Variants in VIRMA observed in about 807,000 individuals in gnomAD.
The protein encoded by VIRMA is vir like m6A methyltransferase associated, also known as protein virilizer homolog.
Under a neutral mutation model 182.4 loss-of-function variants are expected in VIRMA, and 65 were observed. The ratio of observed to expected loss-of-function variants is 0.36; its 90% CI spans 0.29 to 0.44. The LOEUF is 0.44. VIRMA is among the 20% of genes least tolerant of loss of function. The pLI is 1.00. For synonymous variants in VIRMA, 709 were observed against 743.1 expected (o/e 0.95, Z 0.75); for missense variants, 1,752 against 2,158.1 (o/e 0.81, Z 3.73).
At chr8:94,546,345 G>A (rs1189827545) in intron 1 of VIRMA, among the ~76,000 whole-genome samples, 1 of 150,956 alleles carries the variant, frequency 6.6e-6, no homozygotes, top group African/African-American at 2.5e-5. Context: ...CTACATTAGT[G>A]ATGGCATCAC....
intron 16 of VIRMA, among the ~76,000 whole-genome samples, chr8:94,501,361 C>T (rs914846210): frequency 6.6e-6 from 1 of 150,730 alleles, no homozygotes; most frequent in Non-Finnish European, 1.5e-5. Context: ...ACCATATAAC[C>T]AAACTGAAGG....
rs767507371 is a variant in VIRMA, at chr8:94,519,392, T to G, written c.2106A>C (p.Gln702His). 9.0e-6 allele frequency: 14 copies of G among 1,560,482 alleles called. No homozygotes were observed. The Admixed American group carries it at 9.8e-5, about 11-fold the overall frequency. The change falls in exon 9 of 24, where the codon CAA becomes CAC. Residue 702 changes from glutamine to histidine, a missense_variant. Physicochemically the swap from Gln to His is conservative, Grantham distance 24. Around this residue, in one of 11 missense-constraint regions of VIRMA, gnomAD observed 401 missense variants for 455.1 expected, o/e 0.88. Coordinates refer to ENST00000297591, the MANE Select transcript of VIRMA (RefSeq NM_015496.5). ...GAAACTTCAAAACATCTTTTGTGGC[T>G]TGCAGCACACCAGGGTGAGCACTTG... ...PVTSAHPGVL[Q>H]ATKDVLKFLA... is the part of the protein sequence containing the mutation.
chr8:94,488,599 T>C lies in VIRMA; in HGVS notation c.*107A>G, dbSNP rs1010949996. The C allele has an allele frequency of 4.6e-5, 47 of 1,025,138 alleles. No individual in the cohort carries two copies. Among genetic ancestry groups the C allele is most frequent in the Middle Eastern group, 4.5e-4 (2 of 4,446 alleles). 63.5% of individuals were successfully genotyped at this position (1,025,138 alleles called of 1,614,324 possible). A position where few individuals can be genotyped will look rare whatever the true frequency, so the allele number is the denominator to read the frequency against. Reference sequence around the variant, plus strand: ...GCTTTCTTCAGATAAAAATATTCTCTCAGATGTCTCCAGATAACTGCTAAG... The same window carrying C: ...GCTTTCTTCAGATAAAAATATTCTCCCAGATGTCTCCAGATAACTGCTAAG... On this transcript the variant is annotated 3_prime_UTR_variant, in exon 24 of 24. Coordinates refer to ENST00000297591, the MANE Select transcript of VIRMA (RefSeq NM_015496.5).
chr8:94,517,412 A>G (rs770804307), intron 10 of VIRMA, among the ~76,000 whole-genome samples: 11 of 152,210 alleles, frequency 7.2e-5, no homozygotes, highest in Non-Finnish European at 1.3e-4. Flanking sequence ...CTTGTTGGTC[A>G]CGCTGGTCTT....
Position 94,491,698 on chromosome 8 carries a change from G to A in VIRMA, c.5020C>T (p.Pro1674Ser), listed in dbSNP as rs770018328. ...EVVPQDGIPP[P>S]KRPLKVSQKI... Reference sequence around the variant, plus strand: ...TGTGATACTTTGAGTGGCCGTTTTGGTGGAGGTATTCCATCTTGAGGAACC... The same window carrying A: ...TGTGATACTTTGAGTGGCCGTTTTGATGGAGGTATTCCATCTTGAGGAACC... Residue 1674 changes from proline to serine, a missense_variant, in exon 22 of 24, where the codon CCA (proline) becomes TCA (serine). This residue lies in a region of VIRMA where 12 missense variants were observed against 24.2 expected (regional missense o/e 0.50). Coordinates refer to ENST00000297591, the MANE Select transcript of VIRMA (RefSeq NM_015496.5). The A allele has an allele frequency of 5.0e-6, 8 of 1,614,032 alleles. No individual in the cohort carries two copies. In the South Asian group the frequency reaches 7.7e-5, roughly 16 times the overall value.
chr8:94,511,812 ATATT>A (rs1814387704), intron 12 of VIRMA, 83 bp from the exon 13 acceptor site: 1 of 769,620 alleles, frequency 1.3e-6, no homozygotes, highest in African/African-American at 1.8e-5. Flanking sequence ...TGAATATTTA[ATATT>A]TATGATAATT....
chr8:94,503,876 AAC>A, intron 16 of VIRMA, among the ~76,000 whole-genome samples: 1 of 149,468 alleles, frequency 6.7e-6, no homozygotes. Flanking sequence ...AAACCAAAAA[AAC>A]AAAAAAAAAA....
chr8:94,504,926 T>C (rs1814103970), intron 16 of VIRMA, among the ~76,000 whole-genome samples: 1 of 152,084 alleles, frequency 6.6e-6, no homozygotes, highest in African/African-American at 2.4e-5. Flanking sequence ...ACCAGAAACA[T>C]TAAGTCTAGG....
chr8:94,534,704 T>A, intron 5 of VIRMA, 135 bp downstream of exon 5: 6 of 852,366 alleles, frequency 7.0e-6, no homozygotes, highest in East Asian at 3.3e-5. Context: ...TCCCTCCCTC[T>A]CTCCCCCTCT....
In VIRMA at chr8:94,519,263, T is replaced by TTCC. The variant is rs1814671622; in HGVS notation, c.2232_2234dup (p.Glu745dup). The TTCC allele has an allele frequency of 2.5e-6, 4 of 1,614,048 alleles. No individual in the cohort carries two copies. In the Admixed American group the frequency reaches 6.7e-5, roughly 27 times the overall value. The stretch of plus-strand genomic sequence containing the variant: ...CAATAACACCATCAGATTGGAGACC[T>TTCC]TCCTCCTCATCTTGATCATAAAAGT... On this transcript the variant is annotated inframe_insertion, in exon 9 of 24. Coordinates refer to ENST00000297591, the MANE Select transcript of VIRMA (RefSeq NM_015496.5).
chr8:94,535,712 G>A lies in VIRMA; in HGVS notation c.316-705C>T, dbSNP rs536072655. On this transcript the variant is annotated intron_variant, in intron 4 of 23. Transcript: ENST00000297591. ...AGAGAATTGCTTGAACCCAGGAGGC[G>A]GAGGCTGCAGTGAGCCAAGATTGCG... Among the ~76,000 whole-genome samples the A allele has an allele frequency of 1.6e-3, 248 of 151,918 alleles. 1 individual carries two copies. The highest frequency in any genetic ancestry group is 5.7e-3 in the African/African-American group (237 of 41,416).
At chr8:94,519,617 A>C in intron 8 of VIRMA, 141 bp from the exon 9 acceptor site, 5 of 801,748 alleles carry the variant, frequency 6.2e-6, no homozygotes, top group Non-Finnish European at 9.2e-6. Context: ...TGAAAACATA[A>C]TGTGAGTGGC....
At chr8:94,519,600 C>A in intron 8 of VIRMA, 124 bp from the exon 9 acceptor site, 7 of 929,520 alleles carry the variant, frequency 7.5e-6, no homozygotes, top group Non-Finnish European at 1.1e-5. Flanking sequence ...TAATATACTG[C>A]TTTAACTGAA....
Position 94,514,956 on chromosome 8 carries a change from A to T in VIRMA, c.2669-5T>A. ...GTTCAAGCCACTTGCCAAGTTCTTAAAAAGAAAAATAATTTATAATATTTA... is the reference window on the plus strand; with the variant it reads ...GTTCAAGCCACTTGCCAAGTTCTTATAAAGAAAAATAATTTATAATATTTA... On this transcript the variant is annotated splice_polypyrimidine_tract_variant and splice_region_variant and intron_variant, in intron 10 of 23. Transcript: ENST00000297591. 6.9e-7 allele frequency: 1 copy of T among 1,452,406 alleles called. No individual in the cohort carries two copies. The highest frequency in any genetic ancestry group is 1.9e-5 in the Admixed American group (1 of 53,444). 90.0% of individuals were successfully genotyped at this position (1,452,406 alleles called of 1,614,324 possible).
At chr8:94,552,792 T>TCC (rs1339501459) in intron 1 of VIRMA, among the ~76,000 whole-genome samples, 1 of 152,090 alleles carries the variant, frequency 6.6e-6, no homozygotes, top group East Asian at 1.9e-4. Context: ...CTCTCAACTC[T>TCC]CCCCTCTTCG....
At chr8:94,509,544 A>G (rs1284625717) in intron 15 of VIRMA, 144 bp downstream of exon 15, 1 of 762,648 alleles carries the variant, frequency 1.3e-6, no homozygotes, top group Non-Finnish European at 2.0e-6. Flanking sequence ...TCTTCAGAGA[A>G]CCCATGAACA....
intron 1 of VIRMA, chr8:94,547,121 C>T: frequency 4.8e-6 from 2 of 415,360 alleles, no homozygotes; most frequent in South Asian, 3.5e-5. Context: ...TTGTAATTGC[C>T]TCTTATCTCT....
At chr8:94,501,794 A>G (rs112359492) in intron 16 of VIRMA, among the ~76,000 whole-genome samples, 2,077 of 152,224 alleles carry the variant, frequency 0.014, 37 homozygotes, top group Non-Finnish European at 0.016. Flanking sequence ...CCGGCTCTAC[A>G]AAAGATACAA....
Position 94,519,167 on chromosome 8 carries a change from A to G in VIRMA, c.2331T>C (p.His777=). Reference sequence around the variant, plus strand: ...CTTCACTGGCTGTACAACGCTGAAAATGGCTGAACAGTTCTGTAATACATT... The same window carrying G: ...CTTCACTGGCTGTACAACGCTGAAAGTGGCTGAACAGTTCTGTAATACATT... ...TLQCITELFS[H]FQRCTASEET... The change falls in exon 9 of 24, where the codon CAT becomes CAC. Residue 777 remains histidine (H), a synonymous_variant. Coordinates refer to ENST00000297591, the MANE Select transcript of VIRMA (RefSeq NM_015496.5). The G allele has an allele frequency of 6.2e-7, 1 of 1,614,166 alleles. No homozygotes were observed. The highest frequency in any genetic ancestry group is 8.5e-7 in the Non-Finnish European group (1 of 1,180,016).
Sources: allele counts gnomAD v4.1 joint callset (sites outside exome capture counted in the v4.1 genomes callset), GRCh38; gene constraint gnomAD v4.1.1; regional missense constraint gnomAD v4.1.1; transcripts MANE v1.5; gene names NCBI Gene and HGNC (gene_info 2026-07-23, HGNC 2026-07-21).